Variants in CD8B observed in about 807,000 individuals in gnomAD.
CD8B encodes the protein CD8 subunit beta.
In CD8B, 6 loss-of-function variants were observed where a neutral mutation model predicts 24.2. That is an observed-to-expected ratio of 0.25 (90% CI 0.14 to 0.49). The LOEUF is 0.49. Ranked by LOEUF, CD8B falls within the 20% of genes least tolerant of loss-of-function variation. CD8B has a pLI of 0.98. For missense variants in CD8B, 196 were observed against 271.3 expected (o/e 0.72, Z 1.95); for synonymous variants, 84 against 108.3 (o/e 0.78, Z 1.39).
At chr2:86,854,991 C>T (rs767513453) in intron 2 of CD8B, among the ~76,000 whole-genome samples, 13 of 151,970 alleles carry the variant, frequency 8.6e-5, no homozygotes, top group East Asian at 1.9e-4. Flanking sequence ...CGTGGTGGCA[C>T]GTGCCTGTAA....
Position 86,858,396 on chromosome 2 carries a change from G to A in CD8B, c.64C>T (p.Leu22Phe), listed in dbSNP as rs146795196. The A allele has an allele frequency of 1.3e-6, 2 of 1,594,894 alleles. No homozygotes were observed. The highest frequency in any genetic ancestry group is 2.7e-5 in the African/African-American group (2 of 74,228). ...QLTVLHGNSV[L>F]QQTPAYIKVQ... ...TTTATGTATGCAGGGGTCTGCTGGAGGACTGAGTTGCCATGGAGAACTAGG... is the reference window on the plus strand; with the variant it reads ...TTTATGTATGCAGGGGTCTGCTGGAAGACTGAGTTGCCATGGAGAACTAGG... Residue 22 changes from leucine (L) to phenylalanine (F), a missense_variant, in exon 2 of 6, where the codon CTC (leucine) becomes TTC (phenylalanine). Physicochemically the swap from Leu to Phe is conservative, Grantham distance 22. Transcript: ENST00000390655.
chr2:86,855,528 G>A (rs1676190805), intron 2 of CD8B, among the ~76,000 whole-genome samples: 1 of 152,218 alleles, frequency 6.6e-6, no homozygotes, highest in Non-Finnish European at 1.5e-5. Flanking sequence ...TCTAGAACCT[G>A]TGCTTCTCGT....
intron 1 of CD8B, among the ~76,000 whole-genome samples, chr2:86,859,223 GCCCAGCAA>G (rs1412861215): frequency 6.6e-6 from 1 of 151,990 alleles, no homozygotes; most frequent in Non-Finnish European, 1.5e-5. Flanking sequence ...TGACCCCCGA[GCCCAGCAA>G]CTGATGGGTC....
rs370900968 is a variant in CD8B, at chr2:86,823,433, C to T, written c.621-7715G>A. 1.3e-4 allele frequency among the ~76,000 whole-genome samples: 20 copies of T among 152,126 alleles called. No individual in the cohort carries two copies. In the East Asian group the frequency reaches 2.7e-3, roughly 21 times the overall value. ...TATTTGGGACTACAGGCACCCACCA[C>T]GGTGCCCGGCTAATTTTTTAATTTT... On this transcript the variant is annotated intron_variant, in intron 5 of 5. Coordinates refer to the CD8B transcript ENST00000331469.
rs141724891 is a variant in CD8B, at chr2:86,825,353, G to A, written c.621-9635C>T. Reference sequence around the variant, plus strand: ...GTGGGAGTGGAGGGTGAGGATCACCGTCCTCCAGGATCCCCCAACCCCTCC... The same window carrying A: ...GTGGGAGTGGAGGGTGAGGATCACCATCCTCCAGGATCCCCCAACCCCTCC... On this transcript the variant is annotated intron_variant, in intron 5 of 5. Coordinates refer to the CD8B transcript ENST00000331469. 2.9e-3 allele frequency among the ~76,000 whole-genome samples: 441 copies of A among 152,238 alleles called. 2 individuals are homozygous for A. Among genetic ancestry groups the A allele is most frequent in the African/African-American group, 0.01 (423 of 41,554 alleles).
intron 1 of CD8B, among the ~76,000 whole-genome samples, chr2:86,859,858 C>T (rs911502052): frequency 2.0e-5 from 3 of 151,950 alleles, no homozygotes; most frequent in East Asian, 1.9e-4. Context: ...TAAAATCCTG[C>T]CTGCACTTGC....
chr2:86,815,803 C>T, intron 5 of CD8B: 1 of 785,238 alleles, frequency 1.3e-6, no homozygotes, highest in Non-Finnish European at 2.2e-6. Flanking sequence ...TGATTTTTTT[C>T]TGTGACTCAG....
intron 2 of CD8B, among the ~76,000 whole-genome samples, chr2:86,856,216 G>A (rs1188276287): frequency 6.6e-6 from 1 of 152,192 alleles, no homozygotes; most frequent in Non-Finnish European, 1.5e-5. Flanking sequence ...TTGGGGTTTG[G>A]AAACACGGAA....
chr2:86,820,258 C>T (rs1448113752), intron 5 of CD8B, among the ~76,000 whole-genome samples: 3 of 152,216 alleles, frequency 2.0e-5, no homozygotes, highest in Non-Finnish European at 2.9e-5. Flanking sequence ...ATTTTGAATG[C>T]TGTTCTACTG....
intron 5 of CD8B, among the ~76,000 whole-genome samples, chr2:86,829,155 A>G (rs1475809714): frequency 8.0e-6 from 1 of 125,100 alleles, no homozygotes; most frequent in Non-Finnish European, 1.6e-5. Flanking sequence ...GCTGGAGTGC[A>G]GTGGTGTGAT....
At chr2:86,834,772 TA>T (rs1199268688), downstream of CD8B, among the ~76,000 whole-genome samples, 12 of 151,634 alleles carry the variant, frequency 7.9e-5, no homozygotes, top group African/African-American at 2.9e-4. Flanking sequence ...CCGTCTCTAC[TA>T]AAAAATACAA....
Position 86,850,853 on chromosome 2 carries a change from G to T in CD8B, c.493+2144C>A, listed in dbSNP as rs569345434. Reference sequence around the variant, plus strand: ...CGCCTGTAATCCCAGCACTTTGGGAGGCCAAGGCAGGTGGATCACCTGAAG... The same window carrying T: ...CGCCTGTAATCCCAGCACTTTGGGATGCCAAGGCAGGTGGATCACCTGAAG... On this transcript the variant is annotated intron_variant, in intron 3 of 5. Transcript: ENST00000390655. Among the ~76,000 whole-genome samples the T allele has an allele frequency of 2.0e-3, 309 of 152,264 alleles. 1 individual carries two copies. Among genetic ancestry groups the T allele is most frequent in the Non-Finnish European group, 3.7e-3 (251 of 68,012 alleles).
At chr2:86,824,845 T>C (rs1674614986) in intron 5 of CD8B, among the ~76,000 whole-genome samples, 1 of 152,222 alleles carries the variant, frequency 6.6e-6, no homozygotes, top group South Asian at 2.1e-4. Flanking sequence ...CCAGAATCTT[T>C]AGAACCACCG....
downstream of CD8B, among the ~76,000 whole-genome samples, chr2:86,836,117 T>G (rs1468435382): frequency 5.9e-5 from 7 of 119,540 alleles, no homozygotes; most frequent in Admixed American, 8.5e-5. Context: ...CACAGAAAGG[T>G]GGGTGGGTGG....
Position 86,839,052 on chromosome 2 carries a change from G to A in CD8B, c.*3255C>T, listed in dbSNP as rs1037275059. Among the ~76,000 whole-genome samples the A allele has an allele frequency of 2.6e-5, 4 of 152,056 alleles. No individual in the cohort carries two copies. The highest frequency in any genetic ancestry group is 9.7e-5 in the African/African-American group (4 of 41,386). On this transcript the variant is annotated 3_prime_UTR_variant, in exon 6 of 6. Coordinates refer to ENST00000390655, the MANE Select transcript of CD8B (RefSeq NM_004931.5). Reference sequence around the variant, plus strand: ...TCCTAATGACCACCACTGGACCAAGGGTAACTGTATCCTAACTTCTAACAA... The same window carrying A: ...TCCTAATGACCACCACTGGACCAAGAGTAACTGTATCCTAACTTCTAACAA...
At chr2:86,818,381 A>C (rs748811967) in intron 5 of CD8B, among the ~76,000 whole-genome samples, 75 of 152,066 alleles carry the variant, frequency 4.9e-4, no homozygotes, top group Non-Finnish European at 9.6e-4. Flanking sequence ...ATTTTTAGCA[A>C]ATTGAAAGTT....
At chr2:86,852,461 C>T (rs1676022918) in intron 3 of CD8B, among the ~76,000 whole-genome samples, 1 of 151,674 alleles carries the variant, frequency 6.6e-6, no homozygotes, top group Non-Finnish European at 1.5e-5. Flanking sequence ...AAAAAGAAAC[C>T]TTATACCCAT....
intron 4 of CD8B, among the ~76,000 whole-genome samples, chr2:86,845,535 A>ACCC (rs1270659282): frequency 3.3e-5 from 5 of 151,680 alleles, no homozygotes; most frequent in South Asian, 4.2e-4. Flanking sequence ...GGCTCAAGTG[A>ACCC]TCCTCCCTCC....
rs556437008 is a variant in CD8B at position 86,840,641 on chromosome 2, C to T, written c.*1666G>A. Among the ~76,000 whole-genome samples, 386 of 152,316 alleles carry T rather than the reference C, an allele frequency of 2.5e-3. 5 individuals carry two copies. Among genetic ancestry groups the T allele is most frequent in the Non-Finnish European group, 1.9e-3 (129 of 68,024 alleles). ...TGGGCTATCTGCTTAGGGTCCACTC[C>T]TACCATGTGGAGTGCTTTCTCACTT... On this transcript the variant is annotated 3_prime_UTR_variant, in exon 6 of 6. Transcript: ENST00000390655.
Sources: gnomAD v4.1 joint callset for allele counts (sites outside exome capture counted in the v4.1 genomes callset) on GRCh38, gnomAD v4.1.1 for gene constraint, MANE v1.5 for transcripts, NCBI Gene and HGNC (gene_info 2026-07-23, HGNC 2026-07-21) for gene names.